Variants in DPY19L1 observed in about 807,000 individuals in gnomAD.
The protein encoded by DPY19L1 is dpy-19 like C-mannosyltransferase 1, also known as protein C-mannosyl-transferase DPY19L1.
DPY19L1 carries 35 observed loss-of-function variants against 96.9 expected under a neutral mutation model. That is an observed-to-expected ratio of 0.36 (90% confidence interval 0.28 to 0.48). The LOEUF (loss-of-function observed/expected upper bound fraction) is 0.48. DPY19L1 is among the 20% of genes least tolerant of loss of function. The pLI is 0.99. For missense variants in DPY19L1, 521 were observed against 777.9 expected, an observed-to-expected ratio of 0.67 and a Z score of 3.93; for synonymous variants, 205 against 252.6, an observed-to-expected ratio of 0.81 and a Z score of 1.79.
At chr7:34,944,550 A>C (rs1784100960) in intron 16 of DPY19L1, among the ~76,000 whole-genome samples, 1 of 152,114 alleles carries the variant, frequency 6.6e-6, no homozygotes, top group South Asian at 2.1e-4. Context: ...TTCTATGCAC[A>C]AACACATAAA....
At chr7:34,972,205 C>T (rs1784738147) in intron 8 of DPY19L1, among the ~76,000 whole-genome samples, 1 of 152,218 alleles carries the variant, frequency 6.6e-6, no homozygotes, top group Admixed American at 6.5e-5. Context: ...TCCCCTCCCA[C>T]TCTGTGCCTT....
chr7:34,997,502 C>A (rs536703793), intron 6 of DPY19L1, among the ~76,000 whole-genome samples: 13 of 145,290 alleles, frequency 8.9e-5, no homozygotes, highest in African/African-American at 2.8e-4. Context: ...CCCAGCTACT[C>A]GGGAGGCTGA....
At chr7:35,023,833 CTTTT>C (rs755619806) in intron 1 of DPY19L1, among the ~76,000 whole-genome samples, 5 of 111,810 alleles carry the variant, frequency 4.5e-5, no homozygotes, top group Non-Finnish European at 9.0e-5. Context: ...CTTTTCTTTT[CTTTT>C]TTTTTTTTTT....
At chr7:35,011,845 C>T (rs1341323141) in intron 4 of DPY19L1, among the ~76,000 whole-genome samples, 2 of 152,088 alleles carry the variant, frequency 1.3e-5, no homozygotes, top group African/African-American at 4.8e-5. Flanking sequence ...GTCAAAATTC[C>T]AAGTGTCTAA....
intron 10 of DPY19L1, among the ~76,000 whole-genome samples, chr7:34,963,812 G>C (rs1345003962): frequency 2.0e-5 from 3 of 152,148 alleles, no homozygotes; most frequent in Non-Finnish European, 4.4e-5. Flanking sequence ...TGGGACAGTA[G>C]GCTAATTGAA....
At chr7:35,010,908 T>C (rs149538166) in intron 5 of DPY19L1, among the ~76,000 whole-genome samples, 1,049 of 151,170 alleles carry the variant, frequency 6.9e-3, no homozygotes, top group African/African-American at 0.024. Context: ...TAAGAGGTCA[T>C]ACAGTGTCCA....
chr7:34,955,888 T>C (rs1463546059), intron 11 of DPY19L1, among the ~76,000 whole-genome samples: 2 of 152,168 alleles, frequency 1.3e-5, no homozygotes, highest in East Asian at 3.9e-4. Flanking sequence ...ACATAAATAC[T>C]TCAAACCAAA....
intron 11 of DPY19L1, among the ~76,000 whole-genome samples, chr7:34,957,405 AAAAC>A (rs951656267): frequency 6.6e-6 from 1 of 151,610 alleles, no homozygotes; most frequent in Non-Finnish European, 1.5e-5. Context: ...AACAAACAAA[AAAAC>A]AAAGTCATCC....
intron 1 of DPY19L1, among the ~76,000 whole-genome samples, chr7:35,020,091 C>T (rs1486120982): frequency 6.6e-6 from 1 of 152,108 alleles, no homozygotes; most frequent in Non-Finnish European, 1.5e-5. Context: ...TATGATCACA[C>T]CACTGTACTC....
intron 1 of DPY19L1, among the ~76,000 whole-genome samples, chr7:35,019,528 GAGA>G (rs1031513312): frequency 8.6e-5 from 13 of 151,380 alleles, no homozygotes; most frequent in South Asian, 8.4e-4. Flanking sequence ...GAAGGAAGAA[GAGA>G]AGGAGAAGGA....
Position 34,966,894 on chromosome 7 carries a change from C to T in DPY19L1, c.1092G>A (p.Met364Ile). 1 of 1,520,226 alleles carries T rather than the reference C, an allele frequency of 6.6e-7. No homozygotes were observed. The highest frequency in any genetic ancestry group is 8.8e-7 in the Non-Finnish European group (1 of 1,132,618). The allele number at this position is 1,520,226 out of a possible 1,614,324, so 94.2% of individuals were successfully genotyped here. Residue 364 changes from methionine (M) to isoleucine (I), a missense_variant and splice_region_variant, in exon 10 of 22, where the codon ATG becomes ATA. Physicochemically the swap from Met to Ile is conservative, Grantham distance 10. Transcript: ENST00000638088. ...GAAAAGAACAATAAAAAATTATTAC[C>T]ATGTGTATATAAATGATCTTCCGTA... ...CKLRKIIYIHMISLALCFVLM... is the reference protein window; with the variant it reads ...CKLRKIIYIHIISLALCFVLM...
At chr7:34,947,518 T>A (rs117485469) in intron 15 of DPY19L1, 112 bp downstream of exon 15, 11,464 of 771,912 alleles carry the variant, frequency 0.015, 117 homozygotes, top group Non-Finnish European at 0.02. Context: ...TATGTTACAG[T>A]AAGCCCATAC....
intron 18 of DPY19L1, among the ~76,000 whole-genome samples, chr7:34,941,371 GA>G (rs957052360): frequency 1.3e-5 from 2 of 149,234 alleles, no homozygotes; most frequent in Non-Finnish European, 3.0e-5. Flanking sequence ...TGCACCAACT[GA>G]AAAAAAAATA....
chr7:35,021,172 G>A (rs1785987965), intron 1 of DPY19L1, among the ~76,000 whole-genome samples: 1 of 152,176 alleles, frequency 6.6e-6, no homozygotes, highest in African/African-American at 2.4e-5. Context: ...GTATAGTGGT[G>A]AGCATAGCTG....
chr7:34,950,226 G>C (rs572597684), intron 13 of DPY19L1, among the ~76,000 whole-genome samples: 388 of 152,262 alleles, frequency 2.5e-3, no homozygotes, highest in African/African-American at 9.1e-3. Context: ...CAGCAGCTCT[G>C]GGCTTGGGAA....
At chr7:34,997,400 G>T (rs1328374050) in intron 6 of DPY19L1, among the ~76,000 whole-genome samples, 2 of 141,494 alleles carry the variant, frequency 1.4e-5, no homozygotes, top group Non-Finnish European at 3.0e-5. Context: ...AGATCATCCT[G>T]GCTAACATGG....
At chr7:34,987,437 T>C (rs1244231268) in intron 7 of DPY19L1, among the ~76,000 whole-genome samples, 4 of 152,068 alleles carry the variant, frequency 2.6e-5, no homozygotes, top group African/African-American at 7.2e-5. Flanking sequence ...TATAAATAAT[T>C]TGTTCAGGCA....
At chr7:35,037,507 T>C (rs1041076303), upstream of DPY19L1, 1 of 310,482 alleles carries the variant, frequency 3.2e-6, no homozygotes, top group Non-Finnish European at 5.9e-6. Flanking sequence ...GGGCGGAGGG[T>C]GGAGGGCGGG....
At chr7:35,004,119 G>A (rs573165483) in intron 6 of DPY19L1, among the ~76,000 whole-genome samples, 2 of 152,092 alleles carry the variant, frequency 1.3e-5, no homozygotes, top group Non-Finnish European at 2.9e-5. Context: ...CACATCTCAC[G>A]TATACCATTA....
Sources: allele counts gnomAD v4.1 joint callset (sites outside exome capture counted in the v4.1 genomes callset), GRCh38; gene constraint gnomAD v4.1.1; transcripts MANE v1.5; gene names NCBI Gene and HGNC (gene_info 2026-07-23, HGNC 2026-07-21).